IFNAR2: variants seen among roughly 807,000 people sequenced by gnomAD.
IFNAR2 encodes the protein interferon alpha/beta receptor 2.
In IFNAR2, 30 loss-of-function variants were observed where a neutral mutation model predicts 49.4. The observed-to-expected ratio is 0.61, with a 90% CI of 0.45 to 0.82. The LOEUF (loss-of-function observed/expected upper bound fraction) is 0.82. IFNAR2 is among the 40% of genes least tolerant of loss of function. The pLI is 0.00. For synonymous variants in IFNAR2, 224 were observed against 234.5 expected (o/e 0.96, Z 0.41); for missense variants, 600 against 622.7 (o/e 0.96, Z 0.39).
intron 2 of IFNAR2, 120 bp from the exon 3 acceptor site, chr21:33,243,553 A>G (rs553398257): frequency 3.1e-4 from 283 of 923,698 alleles, no homozygotes; most frequent in Non-Finnish European, 4.7e-4. Flanking sequence ...TTTTTGGCAC[A>G]AGAAAAATCT....
chr21:33,239,827 G>A (rs1201443912), intron 1 of IFNAR2, among the ~76,000 whole-genome samples: 2 of 116,344 alleles, frequency 1.7e-5, no homozygotes, highest in East Asian at 5.3e-4. Context: ...GGCCCAGAGT[G>A]GTCACAGCCC....
At chr21:33,242,354 TC>T (rs561153306) in intron 2 of IFNAR2, among the ~76,000 whole-genome samples, 112 of 152,340 alleles carry the variant, frequency 7.4e-4, no homozygotes, top group Non-Finnish European at 1.4e-3. Context: ...TGTGAATATT[TC>T]TAGGATGGAC....
chr21:33,235,223 G>A (rs541639875), intron 1 of IFNAR2, among the ~76,000 whole-genome samples: 1 of 152,292 alleles, frequency 6.6e-6, no homozygotes, highest in East Asian at 1.9e-4. Flanking sequence ...CAGGGTCTTT[G>A]TGACCTCCTG....
At chr21:33,239,600 T>C (rs1038883784) in intron 1 of IFNAR2, among the ~76,000 whole-genome samples, 1 of 148,598 alleles carries the variant, frequency 6.7e-6, no homozygotes, top group African/African-American at 2.5e-5. Context: ...TTCTATACTC[T>C]CCTTTCTGCA....
chr21:33,232,488 T>G (rs748272380), intron 1 of IFNAR2, among the ~76,000 whole-genome samples: 2 of 152,158 alleles, frequency 1.3e-5, no homozygotes, highest in Non-Finnish European at 2.9e-5. Flanking sequence ...TTTTATCATC[T>G]GGTACGTGGA....
chr21:33,249,185 A>T lies in IFNAR2; in HGVS notation c.540+331A>T, dbSNP rs112096619. On this transcript the variant is annotated intron_variant, in intron 6 of 8. Transcript: ENST00000342136. ...ATGGTGAAACCCCATCTCTACTAAA[A>T]ATACAAACATTAGCTGGATGTGGTG... 4.4e-3 allele frequency among the ~76,000 whole-genome samples: 676 copies of T among 152,142 alleles called. 7 individuals carry two copies. Among genetic ancestry groups the T allele is most frequent in the African/African-American group, 0.015 (636 of 41,494 alleles).
intron 5 of IFNAR2, among the ~76,000 whole-genome samples, chr21:33,247,209 T>C (rs918478467): frequency 2.0e-5 from 3 of 150,946 alleles, no homozygotes; most frequent in Admixed American, 6.6e-5. Context: ...GATCTAGCGC[T>C]CTCATCTCTC....
chr21:33,243,379 G>T (rs779713824), intron 2 of IFNAR2, among the ~76,000 whole-genome samples: 20 of 152,222 alleles, frequency 1.3e-4, no homozygotes, highest in South Asian at 4.1e-4. Flanking sequence ...CACGACGCCC[G>T]GCCCCAGATA....
In IFNAR2 at chr21:33,262,917, G is replaced by A. The variant is rs1988734817; in HGVS notation, c.965G>A (p.Ser322Asn). The A allele has an allele frequency of 6.2e-7, 1 of 1,613,960 alleles. No individual in the cohort carries two copies. Among genetic ancestry groups the A allele is most frequent in the Admixed American group, 1.7e-5 (1 of 60,002 alleles). The change falls in exon 9 of 9, where the codon AGT becomes AAT. Residue 322 changes from serine to asparagine, a missense_variant. Transcript: ENST00000342136. ...KVWDYNYDDESDSDTEAAPRT... is the reference protein window; with the variant it reads ...KVWDYNYDDENDSDTEAAPRT... ...TGGGATTATAATTATGATGATGAAA[G>A]TGATAGCGATACTGAGGCAGCGCCC...
chr21:33,233,872 A>G (rs941511694), intron 1 of IFNAR2, among the ~76,000 whole-genome samples: 1 of 152,082 alleles, frequency 6.6e-6, no homozygotes, highest in African/African-American at 2.4e-5. Context: ...GTAAGATAGA[A>G]TGCGATTGTT....
chr21:33,252,860 G>A (rs528270836), intron 7 of IFNAR2, 30 bp downstream of exon 7: 7 of 1,537,952 alleles, frequency 4.6e-6, no homozygotes, highest in Non-Finnish European at 5.4e-6. Context: ...TTCATGTTTT[G>A]AGTATTCATG....
rs1339009012 is a variant in IFNAR2 at position 33,264,524 on chromosome 21, AAAGC to A, written c.*1027_*1030del. On this transcript the variant is annotated 3_prime_UTR_variant, in exon 9 of 9. Coordinates refer to ENST00000342136, the MANE Select transcript of IFNAR2 (RefSeq NM_001289125.3). ...GCCATATTTTAAGTTAAAAAAAAAAAAAGCAAACACAAAGATGCTTCAAGATCTT... is the reference window on the plus strand; with the variant it reads ...GCCATATTTTAAGTTAAAAAAAAAAAAAACACAAAGATGCTTCAAGATCTT... 1.3e-5 allele frequency: 2 copies of A among 152,096 alleles called. No individual in the cohort carries two copies. Among genetic ancestry groups the A allele is most frequent in the African/African-American group, 2.4e-5 (1 of 41,410 alleles). The allele number at this position is 152,096 out of a possible 1,614,324, so 9.4% of individuals were successfully genotyped here.
intron 1 of IFNAR2, among the ~76,000 whole-genome samples, chr21:33,231,076 A>C (rs765292092): frequency 6.6e-6 from 1 of 151,796 alleles, no homozygotes; most frequent in Non-Finnish European, 1.5e-5. Flanking sequence ...TTGGGCGTTG[A>C]TTCAGTGGTG....
rs372611170 is a variant in IFNAR2, at chr21:33,263,251, A to G, written c.1299A>G (p.Arg433=). The change falls in exon 9 of 9, where the codon AGA becomes AGG. Residue 433 remains arginine, a synonymous_variant. Coordinates refer to ENST00000342136, the MANE Select transcript of IFNAR2 (RefSeq NM_001289125.3). ...FNVDLNSVFL[R]VLDDEDSDDL... The stretch of plus-strand genomic sequence containing the variant: ...TGGACTTAAACTCTGTGTTTTTGAG[A>G]GTTCTTGATGACGAGGACAGTGACG... The G allele has an allele frequency of 1.9e-6, 3 of 1,614,042 alleles. No individual in the cohort carries two copies. Among genetic ancestry groups the G allele is most frequent in the Non-Finnish European group, 2.5e-6 (3 of 1,180,030 alleles).
At chr21:33,241,570 A>G (rs16990387) in intron 1 of IFNAR2, among the ~76,000 whole-genome samples, 6,172 of 152,308 alleles carry the variant, frequency 0.041, 400 homozygotes, top group African/African-American at 0.14. Flanking sequence ...ATGCATGAAG[A>G]TACTCTGAAG....
At chr21:33,231,005 A>T (rs929109534) in intron 1 of IFNAR2, among the ~76,000 whole-genome samples, 75 of 148,918 alleles carry the variant, frequency 5.0e-4, no homozygotes, top group African/African-American at 1.7e-3. Context: ...TTCTTTTAAC[A>T]TTTTTTTTTT....
chr21:33,240,071 A>C (rs1986804881), intron 1 of IFNAR2, among the ~76,000 whole-genome samples: 1 of 152,098 alleles, frequency 6.6e-6, no homozygotes, highest in Non-Finnish European at 1.5e-5. Context: ...TGGGCCCCAG[A>C]GTGGTCACAG....
At chr21:33,254,314 T>G (rs1031226432) in intron 7 of IFNAR2, among the ~76,000 whole-genome samples, 1 of 152,122 alleles carries the variant, frequency 6.6e-6, no homozygotes, top group Non-Finnish European at 1.5e-5. Context: ...ACAGAAACCT[T>G]AAGACTGACA....
rs749173983 is a variant in IFNAR2 at position 33,262,763 on chromosome 21, A to ACT, written c.841-19_841-18dup. 3.4e-5 allele frequency: 53 copies of ACT among 1,565,662 alleles called. 2 individuals carry two copies. Among genetic ancestry groups the ACT allele is most frequent in the Admixed American group, 1.2e-4 (6 of 51,362 alleles). ...AGAGCAAACAGTACAGCTGATACGG[A>ACT]CTCTCTCTCTCTTTTTTTTTTTTTT... On this transcript the variant is annotated intron_variant, in intron 8 of 8. Coordinates refer to ENST00000342136, the MANE Select transcript of IFNAR2 (RefSeq NM_001289125.3).
Sources: allele counts gnomAD v4.1 joint callset (sites outside exome capture counted in the v4.1 genomes callset), GRCh38; gene constraint gnomAD v4.1.1; transcripts MANE v1.5; gene names NCBI Gene and HGNC (gene_info 2026-07-23, HGNC 2026-07-21).